OTX1: variants seen among roughly 807,000 people sequenced by gnomAD.
OTX1 encodes homeobox protein OTX1.
A neutral mutation model predicts 26.7 loss-of-function variants in OTX1; 7 were observed. The observed-to-expected ratio is 0.26, with a 90% CI of 0.15 to 0.49. The LOEUF (loss-of-function observed/expected upper bound fraction) is 0.49, where lower values mean the gene tolerates loss of function less well. OTX1 is among the 20% of genes least tolerant of loss of function. OTX1 has a pLI of 0.98. For synonymous variants in OTX1, 216 were observed against 212.8 expected, an observed-to-expected ratio of 1.01 and a Z score of -0.13; for missense variants, 414 against 483.8, an observed-to-expected ratio of 0.86 and a Z score of 1.35.
intron 1 of OTX1, 120 bp from the exon 2 acceptor site, chr2:63,051,129 A>C (rs939362792): frequency 6.6e-6 from 1 of 152,334 alleles, no homozygotes; most frequent in South Asian, 2.1e-4. Flanking sequence ...ACCCAGAAGG[A>C]CACGCACAAA....
At chr2:63,053,166 T>G (rs1486173009) in intron 3 of OTX1, 79 bp downstream of exon 3, 1 of 992,100 alleles carries the variant, frequency 1.0e-6, no homozygotes, top group Non-Finnish European at 1.5e-6. Flanking sequence ...GAGTGCAAGC[T>G]TTGTTGCTGA....
In OTX1 at chr2:63,055,411, T is replaced by A. The variant is rs1367492719; in HGVS notation, c.250-90T>A. 1.4e-6 allele frequency: 2 copies of A among 1,384,396 alleles called. No homozygotes were observed. The highest frequency in any genetic ancestry group is 4.7e-5 in the East Asian group (2 of 42,216). The allele number at this position is 1,384,396 out of a possible 1,614,324, so 85.8% of individuals were successfully genotyped here. A position where few individuals can be genotyped will look rare whatever the true frequency, so the allele number is the denominator to read the frequency against. ...CCTCGGTGAGAAAGGATTGCGATATTCTGGACCGGGAGTTGGGTCCGCGGG... is the reference window on the plus strand; with the variant it reads ...CCTCGGTGAGAAAGGATTGCGATATACTGGACCGGGAGTTGGGTCCGCGGG... On this transcript the variant is annotated intron_variant, in intron 4 of 4. Transcript: ENST00000282549. The surrounding 1 kb of genome is among the most constrained non-coding windows in gnomAD (Gnocchi z 5.2).
intron 4 of OTX1, among the ~76,000 whole-genome samples, chr2:63,054,908 C>T (rs1430760625): frequency 6.6e-6 from 1 of 152,174 alleles, no homozygotes; most frequent in Non-Finnish European, 1.5e-5. Flanking sequence ...AAAGGGCCAA[C>T]GAAATCCCAC....
chr2:63,055,692 C>T lies in OTX1; in HGVS notation c.441C>T (p.Ala147=), dbSNP rs1349482090. 1 of 1,613,700 alleles carries T rather than the reference C, an allele frequency of 6.2e-7. No homozygotes were observed. The highest frequency in any genetic ancestry group is 1.7e-5 in the Admixed American group (1 of 60,014). Residue 147 remains alanine (A), a synonymous_variant, in exon 5 of 5, where the codon GCC becomes GCT. Transcript: ENST00000282549. The surrounding 1 kb of genome is among the most constrained non-coding windows in gnomAD (Gnocchi z 5.2). ...SSSSSASSSS[A]NPAAAAAAGL... ...CTAGCTCGGCGTCCAGCTCTTCCGC[C>T]AACCCAGCGGCTGCAGCGGCTGCGG...
chr2:63,055,908 C>T lies in OTX1; in HGVS notation c.657C>T (p.Ala219=). The change falls in exon 5 of 5, where the codon GCC becomes GCT. Residue 219 remains alanine (A), a synonymous_variant. Transcript: ENST00000282549. The surrounding 1 kb of genome is among the most constrained non-coding windows in gnomAD (Gnocchi z 5.2). ...SVAAGAATAA[A]SYPMSYGQGG... ...CTGCAGGCGCCGCCACCGCAGCAGC[C>T]TCTTATCCCATGTCCTACGGCCAGG... The T allele has an allele frequency of 6.2e-7, 1 of 1,612,772 alleles. No homozygotes were observed. The highest frequency in any genetic ancestry group is 8.5e-7 in the Non-Finnish European group (1 of 1,180,014).
At position 63,055,854 on chromosome 2, in the gene OTX1, C is replaced by T; in HGVS notation, c.603C>T (p.Ser201=). The T allele has an allele frequency of 6.2e-7, 1 of 1,612,326 alleles. No individual in the cohort carries two copies. Among genetic ancestry groups the T allele is most frequent in the Non-Finnish European group, 8.5e-7 (1 of 1,179,872 alleles). Reference sequence around the variant, plus strand: ...TGCCGGAGCCATTGGCCGCGCCTAGCAACACCTCGTGTATGCAGCGCTCCG... The same window carrying T: ...TGCCGGAGCCATTGGCCGCGCCTAGTAACACCTCGTGTATGCAGCGCTCCG... ...VSVPEPLAAP[S]NTSCMQRSVA... The change falls in exon 5 of 5, where the codon AGC becomes AGT. Residue 201 remains serine (S), a synonymous_variant. Transcript: ENST00000282549. The surrounding 1 kb of genome is among the most constrained non-coding windows in gnomAD (Gnocchi z 5.2).
chr2:63,053,973 G>A (rs1369910303), intron 3 of OTX1, 74 bp from the exon 4 acceptor site: 1 of 1,522,744 alleles, frequency 6.6e-7, no homozygotes. Flanking sequence ...GGCCTGCCAG[G>A]GGCCTGCCCG....
chr2:63,052,715 A>C (rs1559118762), intron 2 of OTX1, among the ~76,000 whole-genome samples, 165 bp from the exon 3 acceptor site: 1 of 152,154 alleles, frequency 6.6e-6, no homozygotes, highest in Non-Finnish European at 1.5e-5. Flanking sequence ...CGACCCAGAA[A>C]ACTTTACTTT....
Position 63,052,977 on chromosome 2 carries a change from A to G in OTX1, c.-14A>G, listed in dbSNP as rs1371170452. The G allele has an allele frequency of 1.1e-5, 17 of 1,601,084 alleles. No homozygotes were observed. The highest frequency in any genetic ancestry group is 1.4e-5 in the Non-Finnish European group (16 of 1,171,146). The stretch of plus-strand genomic sequence containing the variant: ...CCCCTGGATCCGTCGGGGCGCCTCC[A>G]CCCAGCTGTTAGCATGATGTCTTAC... On this transcript the variant is annotated 5_prime_UTR_variant, in exon 3 of 5. Transcript: ENST00000282549.
At position 63,056,260 on chromosome 2, in the gene OTX1, TC is replaced by T; in HGVS notation, c.1014del (p.Asp339ThrfsTer53). ...ASSAWKLNFNSPDCLDYKDQA... is the reference protein window; with the variant it reads ...ASSAWKLNFNXPDCLDYKDQA... ...CTCCGCCTGGAAACTCAACTTCAAC[TC>T]CCCCGACTGTCTGGACTATAAGGAC... On this transcript the variant is annotated frameshift_variant, in exon 5 of 5. Transcript: ENST00000282549. LOFTEE classifies it high-confidence loss of function. The T allele has an allele frequency of 6.2e-7, 1 of 1,613,470 alleles. No individual in the cohort carries two copies.
rs1382959661 is a variant in OTX1, at chr2:63,055,114, G to A, written c.250-387G>A. 8.5e-5 allele frequency among the ~76,000 whole-genome samples: 13 copies of A among 152,242 alleles called. No individual in the cohort carries two copies. ...CTCCACTGTTGCCTGAGCTCTGTTA[G>A]TAGAAAACTGGGCCTCCAAACACAC... On this transcript the variant is annotated intron_variant, in intron 4 of 4. Transcript: ENST00000282549. This position sits in a 1 kb window ranked among gnomAD's most constrained non-coding sequence, Gnocchi z 5.2.
rs971420760 is a variant in OTX1, at chr2:63,054,214, G to A, written c.249+16G>A. On this transcript the variant is annotated intron_variant, in intron 4 of 4. Transcript: ENST00000282549. ...TAGAGTCCAGGTGCGCACTCCCCGG[G>A]CTCCAGGGTCTGGGTAGGGGAGCTG... is the stretch of plus-strand genomic sequence containing the variant. 3.2e-6 allele frequency: 5 copies of A among 1,574,520 alleles called. No individual in the cohort carries two copies. In the Admixed American group the frequency reaches 5.3e-5, roughly 17 times the overall value.
Position 63,055,438 on chromosome 2 carries a change from C to A in OTX1, c.250-63C>A. 5.3e-6 allele frequency: 8 copies of A among 1,496,712 alleles called. No homozygotes were observed. In the South Asian group the frequency reaches 8.7e-5, roughly 16 times the overall value. The allele number at this position is 1,496,712 out of a possible 1,614,324, so 92.7% of individuals were successfully genotyped here. Reference sequence around the variant, plus strand: ...TGGACCGGGAGTTGGGTCCGCGGGGCGGTGGAGCAACAAGCTCCCCTAGCT... The same window carrying A: ...TGGACCGGGAGTTGGGTCCGCGGGGAGGTGGAGCAACAAGCTCCCCTAGCT... On this transcript the variant is annotated intron_variant, in intron 4 of 4. Coordinates refer to ENST00000282549, the MANE Select transcript of OTX1 (RefSeq NM_014562.4). The surrounding 1 kb of genome is among the most constrained non-coding windows in gnomAD (Gnocchi z 5.2).
At chr2:63,052,501 C>T (rs1002440576) in intron 2 of OTX1, among the ~76,000 whole-genome samples, 1 of 152,260 alleles carries the variant, frequency 6.6e-6, no homozygotes, top group Non-Finnish European at 1.5e-5. Flanking sequence ...CTCTGGGCGG[C>T]CTGCCGTCCG....
At chr2:63,054,277 G>T in intron 4 of OTX1, 79 bp downstream of exon 4, 1 of 1,384,018 alleles carries the variant, frequency 7.2e-7, no homozygotes, top group Admixed American at 2.6e-5. Flanking sequence ...CTCTTGAGTA[G>T]TTCTTGAGGA....
At position 63,052,947 on chromosome 2, in the gene OTX1, CG is replaced by C; in HGVS notation, c.-41del. 1.4e-6 allele frequency: 2 copies of C among 1,392,180 alleles called. No individual in the cohort carries two copies. Among genetic ancestry groups the C allele is most frequent in the Non-Finnish European group, 1.0e-6 (1 of 988,546 alleles). 86.2% of individuals were successfully genotyped at this position (1,392,180 alleles called of 1,614,324 possible). A position where few individuals can be genotyped will look rare whatever the true frequency, so the allele number is the denominator to read the frequency against. On this transcript the variant is annotated 5_prime_UTR_variant, in exon 3 of 5. Transcript: ENST00000282549. ...GGGAGCCCTGCACCGCTCCTGGCCC[CG>C]GGCCCCCTGGATCCGTCGGGGCGCC...
intron 4 of OTX1, among the ~76,000 whole-genome samples, chr2:63,054,444 A>G (rs2062049208): frequency 6.6e-6 from 1 of 152,246 alleles, no homozygotes; most frequent in South Asian, 2.1e-4. Context: ...GTCGGTATCG[A>G]AAGTACTTTT....
chr2:63,053,697 C>T (rs1485472015), intron 3 of OTX1, among the ~76,000 whole-genome samples: 1 of 152,220 alleles, frequency 6.6e-6, no homozygotes, highest in Admixed American at 6.5e-5. Context: ...ACTCCCTGTC[C>T]CCCATCCAGA....
At chr2:63,054,004 C>G (rs776083404) in intron 3 of OTX1, 43 bp from the exon 4 acceptor site, 1 of 1,598,520 alleles carries the variant, frequency 6.3e-7, no homozygotes. Flanking sequence ...CGCGGGTCCA[C>G]GTGGCCACCA....
Sources: allele counts gnomAD v4.1 joint callset (sites outside exome capture counted in the v4.1 genomes callset), GRCh38; gene constraint gnomAD v4.1.1; non-coding constraint Gnocchi (gnomAD v3.1); transcripts MANE v1.5; gene names NCBI Gene and HGNC (gene_info 2026-07-23, HGNC 2026-07-21).